Variants in PEPD observed in about 807,000 individuals in gnomAD.
PEPD encodes xaa-Pro dipeptidase.
Under a neutral mutation model 60.7 loss-of-function variants are expected in PEPD, and 53 were observed. The ratio of observed to expected loss-of-function variants is 0.87; its 90% CI spans 0.70 to 1.10. The LOEUF (loss-of-function observed/expected upper bound fraction) is 1.10, where lower values mean the gene tolerates loss of function less well. Among genes scored for constraint, PEPD ranks in the 50% least tolerant of loss-of-function variants. The pLI, the probability that PEPD is intolerant of heterozygous loss-of-function variation, is 0.00. For synonymous variants in PEPD, 267 were observed against 284.1 expected, an observed-to-expected ratio of 0.94 and a Z score of 0.60; for missense variants, 711 against 711.9, an observed-to-expected ratio of 1.00 and a Z score of 0.01.
At chr19:33,392,685 T>C (rs1007479982) in intron 12 of PEPD, among the ~76,000 whole-genome samples, 1 of 152,146 alleles carries the variant, frequency 6.6e-6, no homozygotes, top group Admixed American at 6.5e-5. Context: ...AGGCTTGCCT[T>C]GGCGCAGAGC....
chr19:33,430,463 G>A lies in PEPD; in HGVS notation c.672-16820C>T, dbSNP rs538119946. ...AGTTCACTGCCAGGAAGAGACTTCT[G>A]CTGCAAAAACTCTGCCCAGTGTGAG... On this transcript the variant is annotated intron_variant, in intron 9 of 14. Coordinates refer to ENST00000244137, the MANE Select transcript of PEPD (RefSeq NM_000285.4). 4.9e-4 allele frequency among the ~76,000 whole-genome samples: 74 copies of A among 152,176 alleles called. No homozygotes were observed. In the South Asian group the frequency reaches 9.1e-3, roughly 19 times the overall value.
intron 6 of PEPD, among the ~76,000 whole-genome samples, chr19:33,489,691 C>T (rs1970461352): frequency 6.6e-6 from 1 of 152,038 alleles, no homozygotes. Flanking sequence ...CAGGGGCTCA[C>T]AGCAGATGTT....
intron 9 of PEPD, among the ~76,000 whole-genome samples, chr19:33,421,704 A>G (rs1362187610): frequency 6.6e-6 from 1 of 152,030 alleles, no homozygotes; most frequent in Non-Finnish European, 1.5e-5. Flanking sequence ...TACGTTGCCC[A>G]GGCTGGTTTG....
intron 3 of PEPD, among the ~76,000 whole-genome samples, chr19:33,506,187 CCACA>C (rs758675021): frequency 6.9e-6 from 1 of 145,962 alleles, no homozygotes; most frequent in African/African-American, 2.5e-5. Flanking sequence ...ACTCACACAC[CCACA>C]CACTCTCATC....
chr19:33,414,512 G>A (rs1968846586), intron 9 of PEPD, among the ~76,000 whole-genome samples: 1 of 152,142 alleles, frequency 6.6e-6, no homozygotes, highest in Non-Finnish European at 1.5e-5. Context: ...CCCTCCCTGA[G>A]GCCTCGGCAA....
chr19:33,413,570 C>T lies in PEPD; in HGVS notation c.740+5G>A, dbSNP rs568082157. 149 of 1,551,622 alleles carry T rather than the reference C, an allele frequency of 9.6e-5. 2 individuals are homozygous for T. The East Asian group carries it at 2.4e-3, about 25-fold the overall frequency. The stretch of plus-strand genomic sequence containing the variant: ...CCCCCAGGGGAGCCAGGGTGCCCCG[C>T]TTACCTGCCGCAGATGCAGGTGTAG... On this transcript the variant is annotated splice_donor_5th_base_variant and intron_variant, in intron 10 of 14. Coordinates refer to ENST00000244137, the MANE Select transcript of PEPD (RefSeq NM_000285.4).
At chr19:33,453,411 G>T (rs886232975) in intron 9 of PEPD, among the ~76,000 whole-genome samples, 4 of 152,220 alleles carry the variant, frequency 2.6e-5, no homozygotes, top group African/African-American at 9.6e-5. Context: ...TATGCATACA[G>T]GCATGCCTCA....
chr19:33,476,313 C>T (rs1011933533), intron 7 of PEPD, among the ~76,000 whole-genome samples: 5 of 152,170 alleles, frequency 3.3e-5, no homozygotes, highest in Admixed American at 1.3e-4. Context: ...CAGTTCTCCA[C>T]CCCCAGCTCA....
chr19:33,426,652 G>A (rs1032755530), intron 9 of PEPD, among the ~76,000 whole-genome samples: 4 of 152,224 alleles, frequency 2.6e-5, no homozygotes, highest in Non-Finnish European at 5.9e-5. Flanking sequence ...CTGGTCACCC[G>A]GGAGGCAGCG....
intron 11 of PEPD, among the ~76,000 whole-genome samples, chr19:33,411,211 G>A (rs1968760499): frequency 2.0e-5 from 3 of 152,204 alleles, no homozygotes; most frequent in Non-Finnish European, 2.9e-5. Flanking sequence ...GGGCCGCAGA[G>A]GCCACGGGCT....
intron 6 of PEPD, chr19:33,487,189 C>T (rs538313144): frequency 2.0e-5 from 3 of 152,446 alleles, no homozygotes; most frequent in South Asian, 4.1e-4. Flanking sequence ...TGGTCTCTGC[C>T]CAGCCCGGCA....
intron 3 of PEPD, among the ~76,000 whole-genome samples, chr19:33,502,445 C>A (rs929576364): frequency 6.6e-6 from 1 of 152,094 alleles, no homozygotes; most frequent in African/African-American, 2.4e-5. Context: ...CTTCCTAGAA[C>A]TAAATTGAAA....
intron 11 of PEPD, among the ~76,000 whole-genome samples, chr19:33,410,044 C>T (rs560270938): frequency 3.3e-5 from 5 of 152,362 alleles, no homozygotes; most frequent in Middle Eastern, 3.4e-3. Flanking sequence ...ACTGGGGACT[C>T]GCCCACCATT....
chr19:33,510,949 A>T, intron 3 of PEPD, 79 bp downstream of exon 3: 1 of 1,413,364 alleles, frequency 7.1e-7, no homozygotes, highest in South Asian at 1.2e-5. Flanking sequence ...GGCCCAACCC[A>T]GCTCTCTCAT....
chr19:33,496,520 C>T (rs908196611), intron 4 of PEPD, among the ~76,000 whole-genome samples: 6 of 152,170 alleles, frequency 3.9e-5, no homozygotes, highest in African/African-American at 9.7e-5. Context: ...ATTAGTGCTA[C>T]GCTCTCATCA....
chr19:33,439,324 G>GC (rs1969440742), intron 9 of PEPD, among the ~76,000 whole-genome samples: 2 of 152,206 alleles, frequency 1.3e-5, no homozygotes, highest in Non-Finnish European at 2.9e-5. Context: ...GAGCCGAGGG[G>GC]TCCTGGCTGT....
At chr19:33,411,874 G>A (rs1272351941) in intron 10 of PEPD, 125 bp from the exon 11 acceptor site, 26 of 716,062 alleles carry the variant, frequency 3.6e-5, no homozygotes, top group Non-Finnish European at 5.6e-5. Context: ...AGGCCCAGGC[G>A]TGGCTGGACC....
At chr19:33,412,071 T>C (rs1968790178) in intron 10 of PEPD, among the ~76,000 whole-genome samples, 1 of 152,192 alleles carries the variant, frequency 6.6e-6, no homozygotes, top group African/African-American at 2.4e-5. Context: ...GGGCCGGGTG[T>C]GGTGGCTCAC....
intron 7 of PEPD, among the ~76,000 whole-genome samples, chr19:33,476,117 T>C (rs1354710960): frequency 6.6e-6 from 1 of 152,166 alleles, no homozygotes; most frequent in Non-Finnish European, 1.5e-5. Context: ...TCTCTCGTGT[T>C]TGTCTCCCAA....
Sources: gnomAD v4.1 joint callset for allele counts (sites outside exome capture counted in the v4.1 genomes callset) on GRCh38, gnomAD v4.1.1 for gene constraint, MANE v1.5 for transcripts, NCBI Gene and HGNC (gene_info 2026-07-23, HGNC 2026-07-21) for gene names.